ADCY3: variants seen among roughly 807,000 people sequenced by gnomAD.
The protein encoded by ADCY3 is adenylate cyclase 3.
In ADCY3, 70 loss-of-function variants were observed where a neutral mutation model predicts 119.4. The observed-to-expected ratio is 0.59, with a 90% confidence interval of 0.48 to 0.72. The LOEUF (loss-of-function observed/expected upper bound fraction) is 0.72. Ranked by LOEUF, ADCY3 falls within the 30% of genes least tolerant of loss-of-function variation. The pLI is 0.00. For missense variants in ADCY3, 1,238 were observed against 1,541.6 expected (o/e 0.80, Z 3.30); for synonymous variants, 672 against 621.4 (o/e 1.08, Z -1.21).
At chr2:24,857,992 T>C (rs943755377) in intron 3 of ADCY3, among the ~76,000 whole-genome samples, 1 of 37,580 alleles carries the variant, frequency 2.7e-5, no homozygotes, top group African/African-American at 2.3e-4. Context: ...GTGGTCTGAA[T>C]TTTTTTTTTT....
chr2:24,846,344 G>A (rs1355419599), intron 3 of ADCY3, among the ~76,000 whole-genome samples: 1 of 152,182 alleles, frequency 6.6e-6, no homozygotes, highest in East Asian at 1.9e-4. Flanking sequence ...GGGCAGAGCT[G>A]CCCGAGACTA....
chr2:24,886,434 T>C (rs187199934), intron 2 of ADCY3, among the ~76,000 whole-genome samples: 153 of 152,220 alleles, frequency 1.0e-3, no homozygotes, highest in Non-Finnish European at 1.4e-3. Flanking sequence ...CGCTACATCA[T>C]GTTTAGCAAA....
intron 3 of ADCY3, among the ~76,000 whole-genome samples, chr2:24,860,091 A>G (rs909253076): frequency 1.3e-5 from 2 of 152,192 alleles, no homozygotes; most frequent in Non-Finnish European, 2.9e-5. Flanking sequence ...ATCTTCCCAC[A>G]TCCTCCGTCA....
intron 3 of ADCY3, among the ~76,000 whole-genome samples, chr2:24,846,609 G>A (rs1375114245): frequency 6.2e-5 from 9 of 144,802 alleles, no homozygotes; most frequent in African/African-American, 1.8e-4. Flanking sequence ...ACGAAGTCTC[G>A]CTCTTGTCCC....
At chr2:24,837,266 A>T (rs1013021953) in intron 8 of ADCY3, among the ~76,000 whole-genome samples, 1 of 152,178 alleles carries the variant, frequency 6.6e-6, no homozygotes, top group Non-Finnish European at 1.5e-5. Context: ...CTGAGATGGG[A>T]AGACCGAGGG....
intron 2 of ADCY3, among the ~76,000 whole-genome samples, chr2:24,881,255 C>CGAGCA (rs55716810): frequency 3.1e-4 from 47 of 152,092 alleles, no homozygotes; most frequent in Non-Finnish European, 5.3e-4. Context: ...CAAAGCCATC[C>CGAGCA]CAGCCCAGAT....
At position 24,827,546 on chromosome 2, in the gene ADCY3, C is replaced by T. The variant is rs1299039987; in HGVS notation, c.2495G>A (p.Arg832Lys). ...CAGGAGGGGAAGCCGTGGCCCTTAC[C>T]TGTCAGTGCCATTGAGCCCAGGGTT... Reference protein sequence around the residue: ...GFNPGLNGTDRLPLVPSKYSM... With the variant: ...GFNPGLNGTDKLPLVPSKYSM... The change falls in exon 15 of 22, where the codon AGG (arginine) becomes AAG (lysine). Residue 832 changes from arginine (R) to lysine (K), a missense_variant and splice_region_variant. Coordinates refer to ENST00000679454, the MANE Select transcript of ADCY3 (RefSeq NM_004036.5). 2 of 1,583,928 alleles carry T rather than the reference C, an allele frequency of 1.3e-6. No individual in the cohort carries two copies. The highest frequency in any genetic ancestry group is 2.7e-5 in the African/African-American group (2 of 74,288).
chr2:24,826,897 A>G (rs1668703173), intron 15 of ADCY3, among the ~76,000 whole-genome samples: 1 of 152,220 alleles, frequency 6.6e-6, no homozygotes, highest in African/African-American at 2.4e-5. Context: ...CCAGGAGTGT[A>G]AGAGTTACTA....
chr2:24,905,947 C>T (rs985036233), intron 2 of ADCY3, among the ~76,000 whole-genome samples: 2 of 151,986 alleles, frequency 1.3e-5, no homozygotes, highest in Admixed American at 6.6e-5. Flanking sequence ...GAAAGCCACC[C>T]GGGGTGAGGG....
chr2:24,866,581 A>AAG (rs1674343085), intron 3 of ADCY3, among the ~76,000 whole-genome samples: 1 of 150,212 alleles, frequency 6.7e-6, no homozygotes, highest in African/African-American at 2.4e-5. Flanking sequence ...AAAAAAAAAA[A>AAG]AAAAGAAAAA....
In ADCY3 at chr2:24,819,220, C is replaced by T. The variant is rs1558385828; in HGVS notation, c.*712G>A. 1 of 152,602 alleles carries T rather than the reference C, an allele frequency of 6.6e-6. No homozygotes were observed. The allele number at this position is 152,602 out of a possible 1,614,324, so 9.5% of individuals were successfully genotyped here. ...AAACAGTCTTGTTCTTTATCAATAC[C>T]TGTAAATTCTCTTAAAGCAGTAGCA... On this transcript the variant is annotated 3_prime_UTR_variant, in exon 22 of 22. Transcript: ENST00000679454.
chr2:24,846,661 C>T (rs1255172042), intron 3 of ADCY3, among the ~76,000 whole-genome samples: 3 of 151,988 alleles, frequency 2.0e-5, no homozygotes, highest in Non-Finnish European at 4.4e-5. Context: ...TCACTGCAAC[C>T]TCTGCCTCCC....
intron 2 of ADCY3, among the ~76,000 whole-genome samples, chr2:24,896,187 C>T (rs1308748630): frequency 6.6e-6 from 1 of 152,106 alleles, no homozygotes; most frequent in Non-Finnish European, 1.5e-5. Context: ...AGTTTGAGAC[C>T]AGCCTGGTCA....
intron 21 of ADCY3, 200 bp from the exon 22 acceptor site, chr2:24,820,314 G>T: frequency 1.5e-6 from 2 of 1,300,190 alleles, no homozygotes; most frequent in Non-Finnish European, 2.0e-6. Flanking sequence ...GTGACTGGCT[G>T]GGGGCCTCCT....
chr2:24,862,378 C>G (rs1025297042), intron 3 of ADCY3, among the ~76,000 whole-genome samples: 3 of 152,142 alleles, frequency 2.0e-5, no homozygotes, highest in African/African-American at 7.2e-5. Context: ...AACCCCGTCT[C>G]TACTAAAAAT....
Position 24,834,637 on chromosome 2 carries a change from CTTCTT to C in ADCY3, c.1810_1814del (p.Lys604GlufsTer84). On this transcript the variant is annotated frameshift_variant, in exon 11 of 22. Coordinates refer to ENST00000679454, the MANE Select transcript of ADCY3 (RefSeq NM_004036.5). LOFTEE classifies it high-confidence loss of function. The surrounding 1 kb of genome is among the most constrained non-coding windows in gnomAD (Gnocchi z 4.2). ...GCATGGACAAGAGGAAGGTGTTTCT[CTTCTT>C]TACTCTGCAGTGGGAACAAGCCCCA... 6.2e-7 allele frequency: 1 copy of C among 1,614,068 alleles called. No homozygotes were observed. The highest frequency in any genetic ancestry group is 8.5e-7 in the Non-Finnish European group (1 of 1,179,958).
rs1572862878 is a variant in ADCY3, at chr2:24,842,531, C to T, written c.826-147G>A. ...CCAGAGAGACCTCACAGATCTGCCT[C>T]GGGAGCAGCCAGGGGTCTGGGACAG... On this transcript the variant is annotated intron_variant, in intron 3 of 21. Coordinates refer to ENST00000679454, the MANE Select transcript of ADCY3 (RefSeq NM_004036.5). The surrounding 1 kb of genome is among the most constrained non-coding windows in gnomAD (Gnocchi z 4.9). The T allele has an allele frequency of 1.1e-5, 12 of 1,084,662 alleles. No homozygotes were observed. The highest frequency in any genetic ancestry group is 7.2e-5 in the Admixed American group (3 of 41,420). 67.2% of individuals were successfully genotyped at this position (1,084,662 alleles called of 1,614,324 possible).
intron 2 of ADCY3, among the ~76,000 whole-genome samples, chr2:24,895,889 G>A (rs2148961204): frequency 6.6e-6 from 1 of 152,194 alleles, no homozygotes; most frequent in East Asian, 1.9e-4. Flanking sequence ...TATTGCTCTA[G>A]CTTCAATTCA....
chr2:24,862,600 G>A (rs888110215), intron 3 of ADCY3, among the ~76,000 whole-genome samples: 1 of 151,740 alleles, frequency 6.6e-6, no homozygotes, highest in East Asian at 1.9e-4. Flanking sequence ...AATCAAGCTC[G>A]GGTCCCAAGT....
Sources: gnomAD v4.1 joint callset for allele counts (sites outside exome capture counted in the v4.1 genomes callset) on GRCh38, gnomAD v4.1.1 for gene constraint, Gnocchi (gnomAD v3.1) non-coding constraint, MANE v1.5 for transcripts, NCBI Gene and HGNC (gene_info 2026-07-23, HGNC 2026-07-21) for gene names.